Variants in ANK1 observed in about 807,000 individuals in gnomAD.
ANK1 encodes the protein ankyrin 1, also known as ankyrin-1.
A neutral mutation model predicts 210.4 loss-of-function variants in ANK1; 51 were observed. That is an observed-to-expected ratio of 0.24 (90% CI 0.19 to 0.31). The LOEUF (loss-of-function observed/expected upper bound fraction) is 0.31. ANK1 is among the 10% of genes least tolerant of loss of function. ANK1 has a pLI of 1.00. For missense variants in ANK1, 2,051 were observed against 2,504.4 expected, an observed-to-expected ratio of 0.82 and a Z score of 3.86; for synonymous variants, 967 against 1,025.9, an observed-to-expected ratio of 0.94 and a Z score of 1.10.
At chr8:41,892,683 T>G (rs1383219656) in intron 1 of ANK1, among the ~76,000 whole-genome samples, 3 of 152,148 alleles carry the variant, frequency 2.0e-5, no homozygotes, top group African/African-American at 4.8e-5. Context: ...AAATCAGGCT[T>G]TTTCCAGATG....
intron 1 of ANK1, among the ~76,000 whole-genome samples, chr8:41,862,421 T>G (rs530750916): frequency 3.3e-5 from 5 of 152,004 alleles, no homozygotes; most frequent in Non-Finnish European, 7.4e-5. Flanking sequence ...AACCACATGC[T>G]CCCAGCCTGC....
chr8:41,889,118 G>T (rs964608061), intron 1 of ANK1, among the ~76,000 whole-genome samples: 14 of 152,204 alleles, frequency 9.2e-5, no homozygotes, highest in African/African-American at 7.2e-5. Flanking sequence ...GGGATTACTG[G>T]CATGAGTCAC....
At chr8:41,753,693 G>A (rs967903682) in intron 2 of ANK1, among the ~76,000 whole-genome samples, 1 of 142,176 alleles carries the variant, frequency 7.0e-6, no homozygotes, top group East Asian at 2.4e-4. Context: ...CCCTCCTCCC[G>A]CCCTCCCACA....
intron 1 of ANK1, among the ~76,000 whole-genome samples, chr8:41,893,576 G>T (rs559074897): frequency 6.6e-6 from 1 of 152,320 alleles, no homozygotes; most frequent in South Asian, 2.1e-4. Context: ...TTACAACCAT[G>T]GTTATTTCTA....
At chr8:41,737,711 T>C (rs1255946310) in intron 2 of ANK1, among the ~76,000 whole-genome samples, 1 of 152,198 alleles carries the variant, frequency 6.6e-6, no homozygotes, top group African/African-American at 2.4e-5. Flanking sequence ...ACTGCGGGGA[T>C]CTGAATCCAC....
intron 1 of ANK1, among the ~76,000 whole-genome samples, chr8:41,779,142 T>C (rs937861469): frequency 6.6e-6 from 1 of 152,078 alleles, no homozygotes; most frequent in Admixed American, 6.5e-5. Context: ...CTGTGACAGG[T>C]AAGCTCCATG....
chr8:41,692,745 C>A lies in ANK1; in HGVS notation c.3761G>T (p.Gly1254Val). The A allele has an allele frequency of 6.2e-7, 1 of 1,614,092 alleles. No individual in the cohort carries two copies. Among genetic ancestry groups the A allele is most frequent in the Non-Finnish European group, 8.5e-7 (1 of 1,180,024 alleles). ...TGTCATGCAGTAGCAGCGCAGGCGC[C>A]CCTCTCGGGGGTCATTCATCTTGGC... ...IFAKMNDPRE[G>V]RLRCYCMTDD... The change falls in exon 31 of 43, where the codon GGG (glycine) becomes GTG (valine). Residue 1254 changes from glycine to valine, a missense_variant. Gly to Val is a moderately radical substitution (Grantham distance 109). This residue lies in a region of ANK1 where 1,413 missense variants were observed against 1,707.4 expected (regional missense o/e 0.83). Transcript: ENST00000289734.
chr8:41,699,243 G>A (rs913816981), intron 23 of ANK1, among the ~76,000 whole-genome samples: 25 of 152,152 alleles, frequency 1.6e-4, no homozygotes, highest in African/African-American at 3.6e-4. Flanking sequence ...GCAGAGAGGC[G>A]TCCAGGCAGC....
intron 41 of ANK1, 141 bp downstream of exon 41, chr8:41,661,735 A>G (rs1490149869): frequency 8.1e-6 from 13 of 1,604,090 alleles, no homozygotes; most frequent in African/African-American, 1.3e-5. Flanking sequence ...TGTCATGCAG[A>G]CGGCCCGGCA....
intron 1 of ANK1, among the ~76,000 whole-genome samples, chr8:41,868,439 G>C (rs1814885150): frequency 6.6e-6 from 1 of 152,202 alleles, no homozygotes; most frequent in Non-Finnish European, 1.5e-5. Flanking sequence ...GCACCAAGAT[G>C]ATGAGCAATT....
upstream of ANK1, among the ~76,000 whole-genome samples, chr8:41,801,335 T>C (rs1189139308): frequency 5.3e-5 from 8 of 152,258 alleles, no homozygotes; most frequent in African/African-American, 1.9e-4. Context: ...TGAACATTCT[T>C]ATAAAAGCTT....
At chr8:41,759,813 A>C (rs1256982383) in intron 1 of ANK1, among the ~76,000 whole-genome samples, 2 of 152,212 alleles carry the variant, frequency 1.3e-5, no homozygotes, top group Non-Finnish European at 2.9e-5. Flanking sequence ...GGAATACCCA[A>C]GAGGTAAGTG....
intron 1 of ANK1, among the ~76,000 whole-genome samples, chr8:41,831,110 G>C (rs1241502953): frequency 6.6e-6 from 1 of 152,196 alleles, no homozygotes; most frequent in African/African-American, 2.4e-5. Context: ...GACAGGAGAC[G>C]AGGCTCCGCC....
In ANK1 at chr8:41,661,942, C is replaced by A; in HGVS notation, c.5479-1G>T. The A allele has an allele frequency of 6.2e-7, 1 of 1,613,750 alleles. No individual in the cohort carries two copies. The highest frequency in any genetic ancestry group is 1.3e-5 in the African/African-American group (1 of 74,996). ...TCTGTCGAACCACCTTGCGAATGAT[C>A]TAGGAAAGGAAGGGAAGGAGGAAAG... On this transcript the variant is annotated splice_acceptor_variant, in intron 40 of 42. Transcript: ENST00000289734. LOFTEE classifies it high-confidence loss of function.
chr8:41,876,278 C>T (rs1034468235), intron 1 of ANK1, among the ~76,000 whole-genome samples: 1 of 152,174 alleles, frequency 6.6e-6, no homozygotes, highest in African/African-American at 2.4e-5. Context: ...TGGCACCGAC[C>T]GCCCGGTCGT....
intron 1 of ANK1, among the ~76,000 whole-genome samples, chr8:41,889,456 A>T (rs1359757748): frequency 6.6e-6 from 1 of 152,252 alleles, no homozygotes; most frequent in Non-Finnish European, 1.5e-5. Flanking sequence ...AAGCAATTGG[A>T]CATGTACTAT....
At chr8:41,769,619 T>C (rs1460840160) in intron 1 of ANK1, among the ~76,000 whole-genome samples, 3 of 152,230 alleles carry the variant, frequency 2.0e-5, no homozygotes, top group Admixed American at 6.5e-5. Flanking sequence ...TTTTAGCAAC[T>C]ATTTGAGGAT....
At chr8:41,803,547 C>T (rs1031698137) in intron 1 of ANK1, 1 of 151,704 alleles carries the variant, frequency 6.6e-6, no homozygotes, top group African/African-American at 2.4e-5. Flanking sequence ...TTTTTGCACC[C>T]CTTCTTTGCT....
intron 16 of ANK1, among the ~76,000 whole-genome samples, chr8:41,712,270 T>C (rs944628840): frequency 1.3e-4 from 20 of 152,188 alleles, no homozygotes; most frequent in African/African-American, 4.6e-4. Context: ...ACTTGAGCAA[T>C]CTGCAGTGTG....
Sources: gnomAD v4.1 joint callset for allele counts (sites outside exome capture counted in the v4.1 genomes callset) on GRCh38, gnomAD v4.1.1 for gene constraint, gnomAD v4.1.1 regional missense constraint, MANE v1.5 for transcripts, NCBI Gene and HGNC (gene_info 2026-07-23, HGNC 2026-07-21) for gene names.